The following LRRC7 variants were observed in gnomAD, a reference collection of about 807,000 sequenced individuals.
LRRC7 encodes the protein leucine rich repeat containing 7.
Under a neutral mutation model 175.7 loss-of-function variants are expected in LRRC7, and 23 were observed. The observed-to-expected ratio is 0.13, with a 90% CI of 0.09 to 0.19. LRRC7 has a LOEUF of 0.19. Among genes scored for constraint, LRRC7 ranks in the 10% least tolerant of loss-of-function variants. The pLI is 1.00. For missense variants in LRRC7, 1,354 were observed against 1,904.7 expected (o/e 0.71, Z 5.38); for synonymous variants, 685 against 680.9 (o/e 1.01, Z -0.09).
chr1:69,907,242 T>A (rs1286202515), intron 7 of LRRC7, among the ~76,000 whole-genome samples: 4 of 152,210 alleles, frequency 2.6e-5, no homozygotes, highest in Non-Finnish European at 4.4e-5. Flanking sequence ...CCTAATCGAA[T>A]ACCCTTTATT....
intron 1 of LRRC7, among the ~76,000 whole-genome samples, chr1:69,620,617 T>C (rs2100313296): frequency 6.6e-6 from 1 of 152,304 alleles, no homozygotes; most frequent in African/African-American, 2.4e-5. Flanking sequence ...AAGAGAAGAA[T>C]ACTAGTGAGC....
At chr1:69,930,327 A>C (rs1419614018) in intron 7 of LRRC7, among the ~76,000 whole-genome samples, 1 of 152,128 alleles carries the variant, frequency 6.6e-6, no homozygotes, top group African/African-American at 2.4e-5. Context: ...TAGCATCCGG[A>C]TTGCAGTAAT....
At chr1:69,874,196 A>T (rs1685832390) in intron 7 of LRRC7, 1 of 152,132 alleles carries the variant, frequency 6.6e-6, no homozygotes, top group Non-Finnish European at 1.5e-5. Flanking sequence ...AATTAACCAT[A>T]TTGGCTTTTC....
At chr1:69,652,449 TA>T (rs1655991609) in intron 1 of LRRC7, among the ~76,000 whole-genome samples, 1 of 152,110 alleles carries the variant, frequency 6.6e-6, no homozygotes, top group Admixed American at 6.6e-5. Flanking sequence ...AATTATTAAA[TA>T]TTGATAAAAT....
chr1:69,846,203 C>T (rs1442038169), intron 7 of LRRC7, among the ~76,000 whole-genome samples: 1 of 152,036 alleles, frequency 6.6e-6, no homozygotes, highest in Non-Finnish European at 1.5e-5. Flanking sequence ...CAAACATATG[C>T]TTTCCATAGA....
At chr1:69,635,284 T>C (rs1273688094) in intron 1 of LRRC7, among the ~76,000 whole-genome samples, 1 of 151,942 alleles carries the variant, frequency 6.6e-6, no homozygotes, top group Admixed American at 6.6e-5. Flanking sequence ...TGCATAGTAT[T>C]CCATGGTGTA....
At chr1:69,972,819 G>T (rs1366740195) in intron 8 of LRRC7, among the ~76,000 whole-genome samples, 1 of 151,424 alleles carries the variant, frequency 6.6e-6, no homozygotes, top group Non-Finnish European at 1.5e-5. Flanking sequence ...ACTTGCACAC[G>T]CATGTTTATA....
intron 1 of LRRC7, among the ~76,000 whole-genome samples, chr1:69,617,562 A>AAAAAAAAAAAAAAAAAAAAAAAAAAAC: frequency 6.7e-6 from 1 of 149,982 alleles, no homozygotes; most frequent in Non-Finnish European, 1.5e-5. Context: ...AAAAAAAAAA[A>AAAAAAAAAAAAAAAAAAAAAAAAAAAC]AAAAAAAAAA....
intron 10 of LRRC7, among the ~76,000 whole-genome samples, chr1:69,991,994 TACTC>T (rs1249431150): frequency 3.3e-5 from 5 of 152,266 alleles, no homozygotes; most frequent in Admixed American, 1.3e-4. Flanking sequence ...TAATTTATCT[TACTC>T]ACTTAAAGGT....
At chr1:69,820,569 T>C (rs1379164798) in intron 4 of LRRC7, among the ~76,000 whole-genome samples, 1 of 152,158 alleles carries the variant, frequency 6.6e-6, no homozygotes, top group Non-Finnish European at 1.5e-5. Flanking sequence ...TGTCCATGTG[T>C]TCTCATTGTT....
intron 22 of LRRC7, among the ~76,000 whole-genome samples, chr1:70,046,250 A>G (rs1660319878): frequency 6.6e-6 from 1 of 152,172 alleles, no homozygotes; most frequent in African/African-American, 2.4e-5. Context: ...CTCCAGATAT[A>G]AATTAGATAT....
rs1232253377 is a variant in LRRC7 at position 70,144,319 on chromosome 1, A to AAAG, written c.*22433_*22435dup. 3 of 152,170 alleles carry AAAG rather than the reference A, an allele frequency of 2.0e-5. No homozygotes were observed. Among genetic ancestry groups the AAAG allele is most frequent in the East Asian group, 1.9e-4 (1 of 5,200 alleles). The allele number at this position is 152,170 out of a possible 1,614,324, so 9.4% of individuals were successfully genotyped here. ...TTAAAAAAGTGTTTTGAATAACATA[A>AAAG]AAGTCTCCTTATTGTATAAATAATA... is the stretch of plus-strand genomic sequence containing the variant. On this transcript the variant is annotated 3_prime_UTR_variant, in exon 27 of 27. Transcript: ENST00000651989.
chr1:69,731,547 G>C (rs1279238833), intron 2 of LRRC7, among the ~76,000 whole-genome samples: 1 of 152,196 alleles, frequency 6.6e-6, no homozygotes, highest in Non-Finnish European at 1.5e-5. Flanking sequence ...GATGCTAACA[G>C]GAAATAAACT....
chr1:70,083,457 G>A (rs1039278230), intron 24 of LRRC7, among the ~76,000 whole-genome samples: 1 of 152,050 alleles, frequency 6.6e-6, no homozygotes, highest in African/African-American at 2.4e-5. Context: ...TTAATTTCAA[G>A]CTTAATTTAC....
chr1:69,951,677 C>T (rs1318424426), intron 8 of LRRC7, among the ~76,000 whole-genome samples: 4 of 152,056 alleles, frequency 2.6e-5, no homozygotes, highest in African/African-American at 9.7e-5. Flanking sequence ...CCTTAGCAAA[C>T]TAATGCAGGA....
In LRRC7 at chr1:69,948,859, T is replaced by C. The variant is rs540155398; in HGVS notation, c.711+17289T>C. Among the ~76,000 whole-genome samples, 54 of 152,292 alleles carry C rather than the reference T, an allele frequency of 3.5e-4. No individual in the cohort carries two copies. In the Middle Eastern group the frequency reaches 0.014, roughly 38 times the overall value. ...TTACAGACTTTCAGTGCTGTTTCGA[T>C]TGTGCCAACCTGAAGTTAGGTAGAA... is the stretch of plus-strand genomic sequence containing the variant. On this transcript the variant is annotated intron_variant, in intron 8 of 26. Coordinates refer to ENST00000651989, the MANE Select transcript of LRRC7 (RefSeq NM_001370785.2).
At chr1:70,047,225 T>A (rs1476509151) in intron 22 of LRRC7, among the ~76,000 whole-genome samples, 1 of 152,160 alleles carries the variant, frequency 6.6e-6, no homozygotes, top group African/African-American at 2.4e-5. Context: ...CTTTTATTCA[T>A]AAAATTATTG....
chr1:70,065,986 G>A (rs576091381), intron 23 of LRRC7, among the ~76,000 whole-genome samples: 35 of 152,052 alleles, frequency 2.3e-4, no homozygotes, highest in African/African-American at 8.2e-4. Context: ...CTTTCATTGG[G>A]AGAAGCATGG....
intron 6 of LRRC7, among the ~76,000 whole-genome samples, chr1:69,836,100 A>T (rs1681071468): frequency 6.6e-6 from 1 of 152,076 alleles, no homozygotes; most frequent in South Asian, 2.1e-4. Flanking sequence ...GACTAAGTAT[A>T]GCTTGACACC....
Sources: allele counts gnomAD v4.1 joint callset (sites outside exome capture counted in the v4.1 genomes callset), GRCh38; gene constraint gnomAD v4.1.1; transcripts MANE v1.5; gene names NCBI Gene and HGNC (gene_info 2026-07-23, HGNC 2026-07-21).